CHRM2: variants seen among roughly 807,000 people sequenced by gnomAD.
CHRM2 encodes the protein muscarinic acetylcholine receptor M2.
In CHRM2, 8 loss-of-function variants were observed where a neutral mutation model predicts 25.0. That is an observed-to-expected ratio of 0.32 (90% confidence interval 0.19 to 0.58). The LOEUF (loss-of-function observed/expected upper bound fraction) is 0.58. Among genes scored for constraint, CHRM2 ranks in the 20% least tolerant of loss-of-function variants. CHRM2 has a pLI of 0.88. For synonymous variants in CHRM2, 202 were observed against 205.7 expected, an observed-to-expected ratio of 0.98 and a Z score of 0.15; for missense variants, 440 against 567.1, an observed-to-expected ratio of 0.78 and a Z score of 2.28.
At chr7:136,980,869 T>G (rs1222185195) in intron 2 of CHRM2, among the ~76,000 whole-genome samples, 1 of 152,220 alleles carries the variant, frequency 6.6e-6, no homozygotes, top group Non-Finnish European at 1.5e-5. Context: ...GATTTTCGCA[T>G]CGATGTTCAT....
chr7:136,979,670 C>A (rs1314877847), intron 2 of CHRM2, among the ~76,000 whole-genome samples: 1 of 152,156 alleles, frequency 6.6e-6, no homozygotes, highest in Non-Finnish European at 1.5e-5. Context: ...ATATGGCTAG[C>A]CAGTTTTCCC....
Position 136,988,961 on chromosome 7 carries a change from T to G in CHRM2, c.-124-3226T>G, listed in dbSNP as rs1232708622. Among the ~76,000 whole-genome samples, 5 of 152,222 alleles carry G rather than the reference T, an allele frequency of 3.3e-5. No individual in the cohort carries two copies. The East Asian group carries it at 9.6e-4, about 29-fold the overall frequency. On this transcript the variant is annotated intron_variant, in intron 2 of 3. Transcript: ENST00000680005. ...AGTATATTCGAATTTAAGAAAATAT[T>G]TTAAATACTTTTAGAATTTTACAGT...
At chr7:136,881,416 G>A (rs1386039017) in intron 2 of CHRM2, among the ~76,000 whole-genome samples, 2 of 151,670 alleles carry the variant, frequency 1.3e-5, no homozygotes, top group African/African-American at 4.8e-5. Flanking sequence ...GTTTTGCCAT[G>A]CTTCTTGAAG....
intron 3 of CHRM2, among the ~76,000 whole-genome samples, chr7:136,997,400 C>T (rs1803677033): frequency 6.6e-6 from 1 of 152,040 alleles, no homozygotes; most frequent in Non-Finnish European, 1.5e-5. Context: ...AGTGGATGGC[C>T]CTTGTGAGTC....
intron 2 of CHRM2, among the ~76,000 whole-genome samples, chr7:136,916,641 T>C (rs190756818): frequency 6.6e-6 from 1 of 150,956 alleles, no homozygotes; most frequent in East Asian, 1.9e-4. Flanking sequence ...ATTTGTTTAT[T>C]AACGTTTCCT....
chr7:136,943,277 C>A (rs969939109), intron 2 of CHRM2, among the ~76,000 whole-genome samples: 4 of 152,156 alleles, frequency 2.6e-5, no homozygotes, highest in Non-Finnish European at 5.9e-5. Context: ...CATGTTAGCT[C>A]TTCTCCTGTG....
At chr7:136,915,016 AG>A (rs1306820290) in intron 2 of CHRM2, among the ~76,000 whole-genome samples, 2 of 151,918 alleles carry the variant, frequency 1.3e-5, no homozygotes, top group Non-Finnish European at 2.9e-5. Flanking sequence ...ACAAAGTGTC[AG>A]CCCTATATGA....
chr7:136,873,026 GA>G (rs1795900707), intron 2 of CHRM2, among the ~76,000 whole-genome samples: 1 of 152,198 alleles, frequency 6.6e-6, no homozygotes, highest in Non-Finnish European at 1.5e-5. Context: ...CAGTTCTCTT[GA>G]AGAATTGGTT....
intron 3 of CHRM2, among the ~76,000 whole-genome samples, chr7:137,008,683 C>T (rs915988937): frequency 4.6e-5 from 7 of 151,872 alleles, no homozygotes; most frequent in African/African-American, 1.7e-4. Context: ...ACTAAGATTA[C>T]ATTTTTAAAA....
chr7:136,908,908 A>G (rs1733385214), intron 2 of CHRM2, among the ~76,000 whole-genome samples: 2 of 151,948 alleles, frequency 1.3e-5, no homozygotes, highest in East Asian at 1.9e-4. Flanking sequence ...ATATTGCCTT[A>G]CTACGCACAG....
Position 137,019,351 on chromosome 7 carries a change from C to G in CHRM2, c.*3085C>G, listed in dbSNP as rs553157714. ...TCAAAAATCACCAGACTATGCATAT[C>G]GCACATCTTTTTTCCAGCATCTTAA... is the stretch of plus-strand genomic sequence containing the variant. On this transcript the variant is annotated 3_prime_UTR_variant, in exon 4 of 4. Transcript: ENST00000680005. 1 of 151,972 alleles carries G rather than the reference C, an allele frequency of 6.6e-6. No homozygotes were observed. The highest frequency in any genetic ancestry group is 2.1e-4 in the South Asian group (1 of 4,822). 9.4% of individuals were successfully genotyped at this position (151,972 alleles called of 1,614,324 possible). A position where few individuals can be genotyped will look rare whatever the true frequency, so the allele number is the denominator to read the frequency against.
Position 137,016,189 on chromosome 7 carries a change from C to T in CHRM2, c.1324C>T (p.Leu442Phe), listed in dbSNP as rs1206800976. 6.2e-7 allele frequency: 1 copy of T among 1,613,076 alleles called. No individual in the cohort carries two copies. The highest frequency in any genetic ancestry group is 8.5e-7 in the Non-Finnish European group (1 of 1,179,352). ...NSTINPACYA[L>F]CNATFKKTFK... Reference sequence around the variant, plus strand: ...CACTATCAACCCTGCCTGCTATGCACTTTGCAATGCCACCTTCAAGAAGAC... The same window carrying T: ...CACTATCAACCCTGCCTGCTATGCATTTTGCAATGCCACCTTCAAGAAGAC... The change falls in exon 4 of 4, where the codon CTT (leucine) becomes TTT (phenylalanine). Residue 442 changes from leucine to phenylalanine, a missense_variant. Physicochemically the swap from Leu to Phe is conservative, Grantham distance 22. This residue lies in a region of CHRM2 where 65 missense variants were observed against 108.9 expected (regional missense o/e 0.60). Coordinates refer to ENST00000680005, the MANE Select transcript of CHRM2 (RefSeq NM_001006630.2).
chr7:136,983,682 A>C (rs557963634), intron 2 of CHRM2, among the ~76,000 whole-genome samples: 4 of 152,204 alleles, frequency 2.6e-5, no homozygotes, highest in Non-Finnish European at 5.9e-5. Flanking sequence ...TCCTTCTAAC[A>C]GTCAAGTCCC....
chr7:136,944,255 C>T (rs1479947267), intron 2 of CHRM2, among the ~76,000 whole-genome samples: 5 of 152,090 alleles, frequency 3.3e-5, no homozygotes, highest in Non-Finnish European at 7.4e-5. Context: ...ATCCTTTCCC[C>T]CAAGTCCCCA....
chr7:136,879,663 G>A (rs1449830826), intron 2 of CHRM2, among the ~76,000 whole-genome samples: 2 of 151,838 alleles, frequency 1.3e-5, no homozygotes, highest in South Asian at 2.1e-4. Context: ...TAATTAAAGT[G>A]ATAATTACTC....
At chr7:136,995,791 A>T (rs1055060843) in intron 3 of CHRM2, among the ~76,000 whole-genome samples, 4 of 152,112 alleles carry the variant, frequency 2.6e-5, no homozygotes, top group South Asian at 2.1e-4. Context: ...ATAAAATTTT[A>T]AAAAATAATA....
At chr7:136,871,585 C>T (rs1198166877) in intron 2 of CHRM2, 1 of 152,650 alleles carries the variant, frequency 6.6e-6, no homozygotes, top group African/African-American at 2.4e-5. Flanking sequence ...TATGCGCAAC[C>T]ATATGATAGG....
At chr7:136,939,758 G>A (rs1232797163) in intron 2 of CHRM2, among the ~76,000 whole-genome samples, 1 of 152,124 alleles carries the variant, frequency 6.6e-6, no homozygotes, top group Non-Finnish European at 1.5e-5. Flanking sequence ...ATAGAATAAA[G>A]CACACATTTC....
At chr7:137,001,919 G>A (rs894656045) in intron 3 of CHRM2, among the ~76,000 whole-genome samples, 6 of 152,156 alleles carry the variant, frequency 3.9e-5, no homozygotes, top group African/African-American at 1.4e-4. Flanking sequence ...TCCTTCTGTG[G>A]GGTTCTTCAG....
Sources: gnomAD v4.1 joint callset for allele counts (sites outside exome capture counted in the v4.1 genomes callset) on GRCh38, gnomAD v4.1.1 for gene constraint, gnomAD v4.1.1 regional missense constraint, MANE v1.5 for transcripts, NCBI Gene and HGNC (gene_info 2026-07-23, HGNC 2026-07-21) for gene names.